The following CEP89 variants were observed in gnomAD, a reference collection of about 807,000 sequenced individuals.
The protein encoded by CEP89 is centrosomal protein 89, also known as centrosomal protein of 89 kDa.
CEP89 carries 95 observed loss-of-function variants against 97.6 expected under a neutral mutation model. The ratio of observed to expected loss-of-function variants is 0.97; its 90% CI spans 0.82 to 1.15. CEP89 has a LOEUF of 1.15. CEP89 is among the 50% of genes most tolerant of loss of function. The pLI is 0.00. For missense variants in CEP89, 869 were observed against 947.7 expected (o/e 0.92, Z 1.09); for synonymous variants, 354 against 349.1 (o/e 1.01, Z -0.16).
intron 13 of CEP89, chr19:32,917,697 A>G (rs1266237232): frequency 3.5e-6 from 2 of 576,188 alleles, no homozygotes; most frequent in African/African-American, 4.1e-5. Flanking sequence ...GTCACAGACT[A>G]TGAGGCTCCT....
At chr19:32,961,669 G>T (rs1337864700) in intron 2 of CEP89, among the ~76,000 whole-genome samples, 4 of 150,286 alleles carry the variant, frequency 2.7e-5, no homozygotes, top group East Asian at 2.0e-4. Flanking sequence ...TTTTTGAGAC[G>T]ATCTCACTCT....
At chr19:32,904,663 C>G (rs1969852968) in intron 14 of CEP89, among the ~76,000 whole-genome samples, 1 of 151,798 alleles carries the variant, frequency 6.6e-6, no homozygotes, top group Non-Finnish European at 1.5e-5. Context: ...GCCACCTCCA[C>G]TCACTGCAAC....
At position 32,959,991 on chromosome 19, in the gene CEP89, G is replaced by C; in HGVS notation, c.214C>G (p.Arg72Gly). ...TGRTVAIPQPRQRSRSESDVS... is the reference protein window; with the variant it reads ...TGRTVAIPQPGQRSRSESDVS... ...TCACTCTCAGACCGGGACCTCTGGC[G>C]AGGCTGAGGAATAGCAACCGTCCGC... The change falls in exon 3 of 19, where the codon CGC becomes GGC. Residue 72 changes from arginine to glycine, a missense_variant. Physicochemically the swap from Arg to Gly is moderately radical, Grantham distance 125 (BLOSUM62 -2). Transcript: ENST00000305768. 6.2e-7 allele frequency: 1 copy of C among 1,614,182 alleles called. No homozygotes were observed. The highest frequency in any genetic ancestry group is 8.5e-7 in the Non-Finnish European group (1 of 1,180,040).
At chr19:32,898,738 CA>C (rs1394432742) in intron 16 of CEP89, among the ~76,000 whole-genome samples, 11 of 151,888 alleles carry the variant, frequency 7.2e-5, no homozygotes, top group Non-Finnish European at 1.5e-4. Context: ...AAAACCTAGC[CA>C]GGTGTGGTGG....
intron 3 of CEP89, among the ~76,000 whole-genome samples, chr19:32,957,451 G>A (rs555408703): frequency 6.6e-6 from 1 of 152,196 alleles, no homozygotes; most frequent in Admixed American, 6.5e-5. Context: ...AGGATCTCTT[G>A]AAGCTAGAAG....
chr19:32,926,461 A>G (rs139445669), intron 10 of CEP89, among the ~76,000 whole-genome samples, 188 bp from the exon 11 acceptor site: 1 of 152,192 alleles, frequency 6.6e-6, no homozygotes, highest in African/African-American at 2.4e-5. Flanking sequence ...GATCCTTCCA[A>G]TTTCAGGGAT....
chr19:32,902,002 C>CTGTGTGTGTGTGTGTGTGTGTGTGTGTG (rs1471468250), intron 14 of CEP89, among the ~76,000 whole-genome samples: 4 of 105,038 alleles, frequency 3.8e-5, no homozygotes, highest in African/African-American at 1.5e-4. Flanking sequence ...CTCTGTCTCT[C>CTGTGTGTGTGTGTGTGTGTGTGTGTGTG]TCTCTCTCTG....
chr19:32,898,322 A>G (rs962326324), intron 16 of CEP89, among the ~76,000 whole-genome samples: 18 of 152,122 alleles, frequency 1.2e-4, no homozygotes, highest in African/African-American at 4.3e-4. Flanking sequence ...TGTGGGGGCT[A>G]AAAAAGTTGA....
chr19:32,881,970 T>A lies in CEP89; in HGVS notation c.2009A>T (p.His670Leu), dbSNP rs1969292790. Reference sequence around the variant, plus strand: ...GTCCTCCTGCTGCTCCAGCAGACGGTGACTGATGTCCCCCAGCTTCAGTGC... The same window carrying A: ...GTCCTCCTGCTGCTCCAGCAGACGGAGACTGATGTCCCCCAGCTTCAGTGC... The part of the protein sequence containing the change: ...QAALKLGDIS[H>L]RLLEQQEDFA... Residue 670 changes from histidine (H) to leucine (L), a missense_variant, in exon 18 of 19, where the codon CAC becomes CTC. Transcript: ENST00000305768. 1 of 1,588,358 alleles carries A rather than the reference T, an allele frequency of 6.3e-7. No individual in the cohort carries two copies. Among genetic ancestry groups the A allele is most frequent in the African/African-American group, 1.3e-5 (1 of 74,576 alleles).
chr19:32,923,766 A>T lies in CEP89; in HGVS notation c.1165-224T>A, dbSNP rs572963121. 2.0e-5 allele frequency among the ~76,000 whole-genome samples: 3 copies of T among 152,300 alleles called. No homozygotes were observed. The South Asian group carries it at 6.2e-4, about 32-fold the overall frequency. ...AGGACCAAATGCAAGGCCAAGTACA[A>T]GAGGCAAAGAACCTGGGCTTTCGAG... On this transcript the variant is annotated intron_variant, in intron 11 of 18. Coordinates refer to ENST00000305768, the MANE Select transcript of CEP89 (RefSeq NM_032816.5).
intron 1 of CEP89, 116 bp downstream of exon 1, chr19:32,971,720 T>C (rs1195116018): frequency 1.9e-6 from 2 of 1,046,422 alleles, no homozygotes; most frequent in Non-Finnish European, 2.9e-6. Context: ...AAAACCACTT[T>C]CTCTTGTGCC....
At chr19:32,935,327 C>A (rs1035664705) in intron 7 of CEP89, among the ~76,000 whole-genome samples, 1 of 152,068 alleles carries the variant, frequency 6.6e-6, no homozygotes, top group Admixed American at 6.6e-5. Context: ...TCTCAGAGAC[C>A]CCAAGAGGTA....
chr19:32,926,401 A>C, intron 10 of CEP89, 128 bp from the exon 11 acceptor site: 1 of 702,000 alleles, frequency 1.4e-6, no homozygotes. Context: ...ATTGTTTTTT[A>C]ACGACTCTCC....
At chr19:32,954,396 ACT>A (rs1318041506) in intron 3 of CEP89, among the ~76,000 whole-genome samples, 3 of 147,610 alleles carry the variant, frequency 2.0e-5, no homozygotes, top group Non-Finnish European at 4.5e-5. Context: ...ACAGGGTCTC[ACT>A]CTGTCTCCCA....
chr19:32,941,571 G>A (rs962322264), intron 5 of CEP89, among the ~76,000 whole-genome samples: 3 of 152,278 alleles, frequency 2.0e-5, no homozygotes, highest in East Asian at 3.9e-4. Context: ...TCACTGAAGA[G>A]CTCATTTTTG....
At chr19:32,948,441 A>G in intron 4 of CEP89, 73 bp from the exon 5 acceptor site, 1 of 830,350 alleles carries the variant, frequency 1.2e-6, no homozygotes, top group South Asian at 1.9e-5. Flanking sequence ...TCCTCCTAAC[A>G]AATTCCAACA....
At chr19:32,893,709 A>G (rs1047547025) in intron 16 of CEP89, among the ~76,000 whole-genome samples, 9 of 152,240 alleles carry the variant, frequency 5.9e-5, no homozygotes, top group Admixed American at 5.9e-4. Context: ...CTAGAAAGCA[A>G]TAACAAGAGG....
chr19:32,911,558 C>T (rs1268795445), intron 14 of CEP89, among the ~76,000 whole-genome samples: 2 of 152,134 alleles, frequency 1.3e-5, no homozygotes, highest in Non-Finnish European at 2.9e-5. Context: ...GAGGCTGAAG[C>T]GGAGGATAGC....
chr19:32,891,354 A>ACACACACAC (rs1568545946), intron 16 of CEP89, among the ~76,000 whole-genome samples: 3 of 151,084 alleles, frequency 2.0e-5, no homozygotes, highest in South Asian at 2.1e-4. Context: ...CACACACACA[A>ACACACACAC]ACACACACAC....
Sources: gnomAD v4.1 joint callset for allele counts (sites outside exome capture counted in the v4.1 genomes callset) on GRCh38, gnomAD v4.1.1 for gene constraint, MANE v1.5 for transcripts, NCBI Gene and HGNC (gene_info 2026-07-23, HGNC 2026-07-21) for gene names.